SMYD3: variants seen among roughly 807,000 people sequenced by gnomAD.
SMYD3 encodes the protein histone-lysine N-methyltransferase SMYD3.
Under a neutral mutation model 57.7 loss-of-function variants are expected in SMYD3, and 36 were observed. The ratio of observed to expected loss-of-function variants is 0.62; its 90% CI spans 0.48 to 0.82. The LOEUF is 0.82. SMYD3 is among the 40% of genes least tolerant of loss of function. The probability of loss-of-function intolerance (pLI) is 0.00; values close to 1 mark genes in which losing one functional copy is unlikely to be tolerated. For synonymous variants in SMYD3, 211 were observed against 195.0 expected (o/e 1.08, Z -0.68); for missense variants, 515 against 538.8 (o/e 0.96, Z 0.44).
At chr1:246,300,532 G>A (rs1178993389) in intron 5 of SMYD3, among the ~76,000 whole-genome samples, 9 of 152,126 alleles carry the variant, frequency 5.9e-5, no homozygotes, top group Admixed American at 5.9e-4. Flanking sequence ...CTTTGTGGTG[G>A]TGTGGGACGC....
At chr1:246,369,623 C>A (rs558759034) in intron 1 of SMYD3, among the ~76,000 whole-genome samples, 1 of 152,254 alleles carries the variant, frequency 6.6e-6, no homozygotes, top group African/African-American at 2.4e-5. Context: ...ACCTCCCAGG[C>A]TCAGGTGATT....
chr1:246,105,978 T>C (rs191560056), intron 5 of SMYD3, among the ~76,000 whole-genome samples: 5 of 152,320 alleles, frequency 3.3e-5, no homozygotes, highest in Non-Finnish European at 5.9e-5. Context: ...TTGAATGAAA[T>C]TGACAAACAT....
chr1:246,006,864 C>G (rs12732350), intron 5 of SMYD3, among the ~76,000 whole-genome samples: 67,498 of 152,086 alleles, frequency 0.44, 17,862 homozygotes, highest in Non-Finnish European at 0.6. Flanking sequence ...GATCAAGGAG[C>G]CTGGAGCCTC....
rs796270195 is a variant in SMYD3, at chr1:246,373,378, GT to G, written c.165-18285del. 8.0e-4 allele frequency among the ~76,000 whole-genome samples: 122 copies of G among 152,204 alleles called. 1 individual carries two copies. Among genetic ancestry groups the G allele is most frequent in the African/African-American group, 2.9e-3 (119 of 41,550 alleles). On this transcript the variant is annotated intron_variant, in intron 1 of 11. Transcript: ENST00000490107. ...AGCTTTAATTACAATTTATTCCAAT[GT>G]TTAGAATAGTAAACACAAATATATA... is the stretch of plus-strand genomic sequence containing the variant.
intron 5 of SMYD3, among the ~76,000 whole-genome samples, chr1:246,064,777 C>A (rs2060312136): frequency 6.6e-6 from 1 of 152,248 alleles, no homozygotes; most frequent in Non-Finnish European, 1.5e-5. Flanking sequence ...GCCTTCTAGA[C>A]CGGACTGAAC....
intron 8 of SMYD3, among the ~76,000 whole-genome samples, chr1:245,904,582 G>T (rs1050127212): frequency 3.9e-5 from 6 of 152,148 alleles, no homozygotes; most frequent in African/African-American, 1.4e-4. Context: ...AATCCCAGAG[G>T]TCCGAACTTG....
intron 5 of SMYD3, among the ~76,000 whole-genome samples, chr1:245,978,609 G>A (rs1452258846): frequency 6.6e-6 from 1 of 152,190 alleles, no homozygotes; most frequent in Non-Finnish European, 1.5e-5. Flanking sequence ...GTTTTTCCCT[G>A]TTTGTCCTAA....
intron 5 of SMYD3, among the ~76,000 whole-genome samples, chr1:246,170,411 CTTTTT>C (rs34758534): frequency 1.1e-4 from 16 of 141,292 alleles, no homozygotes; most frequent in African/African-American, 4.2e-4. Flanking sequence ...ACACTCATTA[CTTTTT>C]TTTTTTTTTG....
chr1:246,113,585 A>G (rs2061290534), intron 5 of SMYD3: 1 of 152,246 alleles, frequency 6.6e-6, no homozygotes. Flanking sequence ...AAAATGGTAC[A>G]AGGAGGAAAA....
At chr1:246,147,556 C>T (rs2061870985) in intron 5 of SMYD3, among the ~76,000 whole-genome samples, 1 of 152,112 alleles carries the variant, frequency 6.6e-6, no homozygotes, top group Admixed American at 6.5e-5. Context: ...GGGGCAGGGG[C>T]TCCGTGGGTG....
At chr1:245,936,293 G>C (rs1426835523) in intron 5 of SMYD3, among the ~76,000 whole-genome samples, 3 of 151,900 alleles carry the variant, frequency 2.0e-5, no homozygotes, top group Non-Finnish European at 4.4e-5. Context: ...AATTCTTATA[G>C]AGCATCTCAA....
At chr1:245,905,110 G>A (rs538514127) in intron 8 of SMYD3, among the ~76,000 whole-genome samples, 11 of 151,998 alleles carry the variant, frequency 7.2e-5, no homozygotes, top group East Asian at 2.0e-4. Flanking sequence ...GAATTACATC[G>A]AAGGCCTTGG....
At chr1:246,032,695 T>C (rs2059699302) in intron 5 of SMYD3, among the ~76,000 whole-genome samples, 1 of 152,202 alleles carries the variant, frequency 6.6e-6, no homozygotes, top group Admixed American at 6.5e-5. Context: ...TCAGATACAA[T>C]ATTGTGACTA....
At chr1:245,802,209 C>T (rs973836262) in intron 10 of SMYD3, among the ~76,000 whole-genome samples, 5 of 152,122 alleles carry the variant, frequency 3.3e-5, no homozygotes, top group Admixed American at 2.6e-4. Flanking sequence ...TTACTGAATA[C>T]CCACAGAATG....
chr1:246,354,399 T>C (rs762893922), intron 2 of SMYD3, among the ~76,000 whole-genome samples: 31 of 152,206 alleles, frequency 2.0e-4, no homozygotes, highest in Non-Finnish European at 4.3e-4. Flanking sequence ...ATATATCCTT[T>C]CAACAATCAA....
chr1:246,386,811 C>T (rs547521783), intron 1 of SMYD3, among the ~76,000 whole-genome samples: 8 of 151,972 alleles, frequency 5.3e-5, no homozygotes, highest in South Asian at 2.1e-4. Flanking sequence ...TTACCCCTCC[C>T]GCCGTGTATG....
chr1:246,129,333 C>T (rs1253258871), intron 5 of SMYD3, among the ~76,000 whole-genome samples: 2 of 151,530 alleles, frequency 1.3e-5, no homozygotes, highest in Non-Finnish European at 2.9e-5. Context: ...TGACTTAACA[C>T]CTTTACAACA....
intron 5 of SMYD3, among the ~76,000 whole-genome samples, chr1:245,943,983 A>C (rs2057349318): frequency 1.3e-5 from 2 of 152,162 alleles, no homozygotes. Flanking sequence ...GAAGGAACAT[A>C]ACTCAAAAAT....
intron 5 of SMYD3, among the ~76,000 whole-genome samples, chr1:246,245,661 G>A (rs760912917): frequency 1.9e-4 from 29 of 152,022 alleles, no homozygotes; most frequent in Non-Finnish European, 2.8e-4. Flanking sequence ...CAGATTTAAC[G>A]TGGAAAATAT....
Sources: gnomAD v4.1 joint callset for allele counts (sites outside exome capture counted in the v4.1 genomes callset) on GRCh38, gnomAD v4.1.1 for gene constraint, MANE v1.5 for transcripts, NCBI Gene and HGNC (gene_info 2026-07-23, HGNC 2026-07-21) for gene names.